NLGN4X: variants seen among roughly 807,000 people sequenced by gnomAD.
NLGN4X encodes the protein neuroligin-4, X-linked.
A neutral mutation model predicts 40.3 loss-of-function variants in NLGN4X; 3 were observed. That is an observed-to-expected ratio of 0.07 (90% CI 0.03 to 0.19). NLGN4X has a LOEUF of 0.19. Ranked by LOEUF, NLGN4X falls within the 10% of genes least tolerant of loss-of-function variation. The probability of loss-of-function intolerance (pLI) is 1.00; values close to 1 mark genes in which losing one functional copy is unlikely to be tolerated. For missense variants in NLGN4X, 382 were observed against 708.3 expected (o/e 0.54, Z 5.23); for synonymous variants, 270 against 306.8 (o/e 0.88, Z 1.25).
chrX:5,934,777 G>T (rs2033678253), intron 3 of NLGN4X, among the ~76,000 whole-genome samples: 1 of 112,171 alleles, frequency 8.9e-6, no homozygotes, highest in Non-Finnish European at 1.9e-5. Flanking sequence ...TGCAGAAAGG[G>T]AACATAATAG....
intron 1 of NLGN4X, among the ~76,000 whole-genome samples, chrX:6,188,589 T>C (rs1922291235): frequency 9.0e-6 from 1 of 110,986 alleles, no homozygotes. Context: ...TGCACCACAT[T>C]GATTTGCATA....
chrX:6,116,479 G>A (rs2039303586), intron 2 of NLGN4X, among the ~76,000 whole-genome samples: 1 of 73,460 alleles, frequency 1.4e-5, no homozygotes, highest in Non-Finnish European at 2.4e-5. Context: ...GCAATGGCAC[G>A]ATTTCAGTTC....
At chrX:5,918,104 T>C (rs2032882397) in intron 3 of NLGN4X, among the ~76,000 whole-genome samples, 1 of 111,369 alleles carries the variant, frequency 9.0e-6, no homozygotes, top group Non-Finnish European at 1.9e-5. Flanking sequence ...GGGAAAATGA[T>C]GCGGTAGTTC....
At chrX:5,933,466 C>A (rs2033626909) in intron 3 of NLGN4X, among the ~76,000 whole-genome samples, 1 of 111,152 alleles carries the variant, frequency 9.0e-6, no homozygotes, top group Non-Finnish European at 1.9e-5. Context: ...TTGATGTATT[C>A]TATATATTTT....
intron 1 of NLGN4X, among the ~76,000 whole-genome samples, chrX:6,175,246 T>C (rs974446079): frequency 9.9e-5 from 11 of 111,320 alleles, no homozygotes; most frequent in African/African-American, 3.6e-4. Context: ...AATTCTAACT[T>C]GAATTTTAAA....
At chrX:5,967,983 C>A (rs1019752814) in intron 3 of NLGN4X, among the ~76,000 whole-genome samples, 2 of 111,255 alleles carry the variant, frequency 1.8e-5, no homozygotes. Context: ...GGTTGGATGT[C>A]AAGGAACATT....
chrX:6,142,507 CA>C (rs1383544845), intron 2 of NLGN4X, among the ~76,000 whole-genome samples: 5 of 112,337 alleles, frequency 4.5e-5, no homozygotes, highest in African/African-American at 1.6e-4. Flanking sequence ...GTCAAACATC[CA>C]ACTGACAGAT....
chrX:6,095,576 C>T (rs1382723078), intron 2 of NLGN4X, among the ~76,000 whole-genome samples: 3 of 112,344 alleles, frequency 2.7e-5, no homozygotes, highest in Admixed American at 9.4e-5. Flanking sequence ...AAGAAATTCA[C>T]GTTCCTGTAA....
intron 1 of NLGN4X, among the ~76,000 whole-genome samples, chrX:6,206,858 A>G (rs977836185): frequency 8.9e-6 from 1 of 111,955 alleles, no homozygotes; most frequent in Admixed American, 9.5e-5. Flanking sequence ...GGGCATTAGG[A>G]TTTCAATATA....
intron 3 of NLGN4X, among the ~76,000 whole-genome samples, chrX:6,003,427 T>G (rs1181858528): frequency 1.8e-5 from 2 of 112,626 alleles, no homozygotes; most frequent in Non-Finnish European, 3.7e-5. Flanking sequence ...TAATCAGGCT[T>G]CTCATGACCT....
At chrX:6,085,523 A>T (rs965372455) in intron 2 of NLGN4X, among the ~76,000 whole-genome samples, 5 of 111,923 alleles carry the variant, frequency 4.5e-5, no homozygotes, top group Non-Finnish European at 7.5e-5. Context: ...GGCTTCATGG[A>T]TATAACATTA....
chrX:5,983,414 G>A (rs1294189694), intron 3 of NLGN4X, among the ~76,000 whole-genome samples: 1 of 112,144 alleles, frequency 8.9e-6, no homozygotes, highest in African/African-American at 3.2e-5. Context: ...ATTTTTTGAA[G>A]AATGTTCAAA....
At chrX:6,133,930 G>A (rs1230772726) in intron 2 of NLGN4X, among the ~76,000 whole-genome samples, 4 of 111,501 alleles carry the variant, frequency 3.6e-5, no homozygotes, top group African/African-American at 9.8e-5. Context: ...ACTCAACTTC[G>A]TCTTTGTAGT....
chrX:6,028,426 C>A (rs981653549), intron 3 of NLGN4X, among the ~76,000 whole-genome samples: 1 of 110,087 alleles, frequency 9.1e-6, no homozygotes, highest in Non-Finnish European at 1.9e-5. Flanking sequence ...TTTGGAAGGC[C>A]GAGGCAGGCG....
At chrX:6,206,636 AG>A (rs762873913) in intron 1 of NLGN4X, among the ~76,000 whole-genome samples, 3 of 111,568 alleles carry the variant, frequency 2.7e-5, no homozygotes, top group African/African-American at 9.8e-5. Flanking sequence ...TTCTAAATTC[AG>A]GGAGTTGCCA....
chrX:5,915,536 C>T (rs1165982041), intron 3 of NLGN4X, among the ~76,000 whole-genome samples: 1 of 111,958 alleles, frequency 8.9e-6, no homozygotes, highest in East Asian at 2.8e-4. Context: ...TTTGAGTCAA[C>T]TTTGAGTCTT....
At chrX:6,165,330 T>C (rs1293411368) in intron 1 of NLGN4X, among the ~76,000 whole-genome samples, 1 of 111,632 alleles carries the variant, frequency 9.0e-6, no homozygotes, top group Non-Finnish European at 1.9e-5. Context: ...GGAAGGCTCT[T>C]TTAAACAGGG....
intron 3 of NLGN4X, among the ~76,000 whole-genome samples, chrX:5,996,043 A>C (rs752262790): frequency 1.1e-5 from 1 of 91,529 alleles, no homozygotes; most frequent in African/African-American, 3.4e-5. Context: ...ATGACACATG[A>C]ACAGATACCT....
chrX:5,974,690 G>A (rs2035124355), intron 3 of NLGN4X, among the ~76,000 whole-genome samples: 2 of 111,043 alleles, frequency 1.8e-5, no homozygotes, highest in African/African-American at 6.6e-5. Flanking sequence ...GTTACCCACG[G>A]GGGACACGTA....
Sources: gnomAD v4.1 joint callset for allele counts (sites outside exome capture counted in the v4.1 genomes callset) on GRCh38, gnomAD v4.1.1 for gene constraint, MANE v1.5 for transcripts, NCBI Gene and HGNC (gene_info 2026-07-23, HGNC 2026-07-21) for gene names.